The following GMDS variants were observed in gnomAD, a reference collection of about 807,000 sequenced individuals.
The protein encoded by GMDS is GDP-mannose 4,6-dehydratase, also known as GDP-mannose 4,6 dehydratase.
A neutral mutation model predicts 49.9 loss-of-function variants in GMDS; 20 were observed. The ratio of observed to expected loss-of-function variants is 0.40; its 90% CI spans 0.28 to 0.58. The LOEUF (loss-of-function observed/expected upper bound fraction) is 0.58. Ranked by LOEUF, GMDS falls within the 20% of genes least tolerant of loss-of-function variation. GMDS has a pLI of 0.42. For missense variants in GMDS, 362 were observed against 481.4 expected, an observed-to-expected ratio of 0.75 and a Z score of 2.32; for synonymous variants, 177 against 178.6, an observed-to-expected ratio of 0.99 and a Z score of 0.07.
At chr6:2,049,605 C>T (rs1770255811) in intron 4 of GMDS, among the ~76,000 whole-genome samples, 1 of 152,112 alleles carries the variant, frequency 6.6e-6, no homozygotes. Context: ...TGAGCTTGCC[C>T]TGGATTATTA....
intron 9 of GMDS, chr6:1,679,749 T>G (rs1472820619): frequency 6.6e-6 from 1 of 152,254 alleles, no homozygotes. Flanking sequence ...AAATAATATC[T>G]TGAGCTCTCA....
intron 1 of GMDS, among the ~76,000 whole-genome samples, chr6:2,183,825 CT>C (rs2127563391): frequency 6.6e-6 from 1 of 152,282 alleles, no homozygotes; most frequent in East Asian, 1.9e-4. Flanking sequence ...AGGCAATACC[CT>C]CTACTAGCAA....
chr6:1,729,980 G>C lies in GMDS; in HGVS notation c.891-3468C>G, dbSNP rs115249951. On this transcript the variant is annotated intron_variant, in intron 8 of 10. Coordinates refer to ENST00000380815, the MANE Select transcript of GMDS (RefSeq NM_001500.4). ...GTTTGGGGCTATTAGACCTAAGTTG[G>C]TGGGGGCGGGGGAACAACACACTCC... 5.0e-3 allele frequency among the ~76,000 whole-genome samples: 767 copies of C among 152,210 alleles called. 6 individuals carry two copies. The highest frequency in any genetic ancestry group is 0.018 in the African/African-American group (741 of 41,506).
chr6:2,159,098 G>C (rs1777252757), intron 1 of GMDS, among the ~76,000 whole-genome samples: 1 of 152,206 alleles, frequency 6.6e-6, no homozygotes, highest in South Asian at 2.1e-4. Flanking sequence ...AACACTTCCA[G>C]TGTTTCTATC....
Position 1,635,196 on chromosome 6 carries a change from G to A in GMDS, c.988-10656C>T, listed in dbSNP as rs1225031324. 1.3e-5 allele frequency among the ~76,000 whole-genome samples: 2 copies of A among 152,176 alleles called. No individual in the cohort carries two copies. The highest frequency in any genetic ancestry group is 4.8e-5 in the African/African-American group (2 of 41,448). On this transcript the variant is annotated intron_variant, in intron 9 of 10. Transcript: ENST00000380815. The surrounding 1 kb of genome is among the most constrained non-coding windows in gnomAD (Gnocchi z 4.7). ...GAGCACGCCTTCTTGTTTTGATCCT[G>A]ATTTGAGGCCAAAGCCTCTCTGCTG...
intron 1 of GMDS, 55 bp downstream of exon 1, chr6:2,245,266 G>A (rs887139430): frequency 1.7e-6 from 2 of 1,179,892 alleles, no homozygotes. Context: ...GGCGCGTAGG[G>A]AGAGCACGCG....
intron 1 of GMDS, among the ~76,000 whole-genome samples, chr6:2,201,027 T>C (rs1779502855): frequency 7.9e-6 from 1 of 126,956 alleles, no homozygotes; most frequent in Admixed American, 8.3e-5. Context: ...AGCAGAGACG[T>C]GAAGGATGAA....
At chr6:1,772,386 G>A (rs2113583662) in intron 7 of GMDS, among the ~76,000 whole-genome samples, 1 of 152,264 alleles carries the variant, frequency 6.6e-6, no homozygotes, top group Non-Finnish European at 1.5e-5. Flanking sequence ...GAAAAACATG[G>A]CATACCCCCT....
chr6:1,658,721 CTATT>C (rs1252156586), intron 9 of GMDS, among the ~76,000 whole-genome samples: 1 of 152,230 alleles, frequency 6.6e-6, no homozygotes, highest in East Asian at 1.9e-4. Context: ...TTGCTTGAGA[CTATT>C]TAGCTCGGCT....
intron 1 of GMDS, among the ~76,000 whole-genome samples, chr6:2,180,794 T>C (rs1778484795): frequency 6.6e-6 from 1 of 152,186 alleles, no homozygotes; most frequent in African/African-American, 2.4e-5. Context: ...TTTTAAACTG[T>C]TAGAACCAGC....
At chr6:2,003,254 T>C (rs1766945904) in intron 4 of GMDS, among the ~76,000 whole-genome samples, 1 of 152,174 alleles carries the variant, frequency 6.6e-6, no homozygotes, top group South Asian at 2.1e-4. Flanking sequence ...TACCATATAT[T>C]TATGTGGCAT....
chr6:2,223,333 C>A (rs1780678704), intron 1 of GMDS, among the ~76,000 whole-genome samples: 1 of 152,010 alleles, frequency 6.6e-6, no homozygotes, highest in African/African-American at 2.4e-5. Context: ...GTGCTAGTCA[C>A]AAAGGCACTG....
At chr6:2,204,766 A>G (rs1779710398) in intron 1 of GMDS, among the ~76,000 whole-genome samples, 1 of 152,172 alleles carries the variant, frequency 6.6e-6, no homozygotes, top group East Asian at 1.9e-4. Flanking sequence ...TGACCAGTTT[A>G]CAAGACCAAG....
At chr6:1,769,546 A>G (rs1254125545) in intron 7 of GMDS, among the ~76,000 whole-genome samples, 1 of 152,206 alleles carries the variant, frequency 6.6e-6, no homozygotes, top group African/African-American at 2.4e-5. Context: ...ACTCAGTGAA[A>G]TCCTCAGCCA....
At chr6:1,868,571 T>C (rs1758558038) in intron 7 of GMDS, among the ~76,000 whole-genome samples, 1 of 152,232 alleles carries the variant, frequency 6.6e-6, no homozygotes, top group Non-Finnish European at 1.5e-5. Flanking sequence ...TCTATATTTC[T>C]TACTTTATTT....
chr6:1,637,035 C>A lies in GMDS; in HGVS notation c.988-12495G>T, dbSNP rs147890528. ...TTGAGACTGCTTCTTGCCTTGGGGACCCCGCACTGTGCCTCCTAGCCCAGC... is the reference window on the plus strand; with the variant it reads ...TTGAGACTGCTTCTTGCCTTGGGGAACCCGCACTGTGCCTCCTAGCCCAGC... On this transcript the variant is annotated intron_variant, in intron 9 of 10. Coordinates refer to ENST00000380815, the MANE Select transcript of GMDS (RefSeq NM_001500.4). Among the ~76,000 whole-genome samples the A allele has an allele frequency of 5.5e-3, 832 of 152,264 alleles. 8 individuals are homozygous for A. Among genetic ancestry groups the A allele is most frequent in the African/African-American group, 0.02 (811 of 41,580 alleles).
intron 1 of GMDS, among the ~76,000 whole-genome samples, chr6:2,216,852 T>C (rs2127586878): frequency 6.6e-6 from 1 of 152,290 alleles, no homozygotes; most frequent in South Asian, 2.1e-4. Flanking sequence ...CCGCCTCTCC[T>C]GGGCAGGTGC....
chr6:2,086,590 T>C (rs558040947), intron 4 of GMDS, among the ~76,000 whole-genome samples: 1 of 152,372 alleles, frequency 6.6e-6, no homozygotes, highest in East Asian at 1.9e-4. Context: ...ACTTCAGTAG[T>C]GACAAAGGCT....
intron 7 of GMDS, among the ~76,000 whole-genome samples, chr6:1,920,107 C>T (rs552038137): frequency 1.8e-4 from 28 of 152,300 alleles, no homozygotes; most frequent in African/African-American, 5.1e-4. Flanking sequence ...ATGAAGTGAA[C>T]GGGGCTGAAA....
Sources: allele counts gnomAD v4.1 joint callset (sites outside exome capture counted in the v4.1 genomes callset), GRCh38; gene constraint gnomAD v4.1.1; non-coding constraint Gnocchi (gnomAD v3.1); transcripts MANE v1.5; gene names NCBI Gene and HGNC (gene_info 2026-07-23, HGNC 2026-07-21).